LRP8: variants seen among roughly 807,000 people sequenced by gnomAD.
LRP8 encodes the protein low-density lipoprotein receptor-related protein 8.
In LRP8, 46 loss-of-function variants were observed where a neutral mutation model predicts 111.6. The ratio of observed to expected loss-of-function variants is 0.41; its 90% CI spans 0.33 to 0.53. The LOEUF (loss-of-function observed/expected upper bound fraction) is 0.53. LRP8 is among the 20% of genes least tolerant of loss of function. LRP8 has a pLI of 0.20. For missense variants in LRP8, 959 were observed against 1,297.4 expected, an observed-to-expected ratio of 0.74 and a Z score of 4.01; for synonymous variants, 464 against 511.2, an observed-to-expected ratio of 0.91 and a Z score of 1.24.
At chr1:53,324,892 C>A (rs1480825204) in intron 2 of LRP8, among the ~76,000 whole-genome samples, 2 of 152,220 alleles carry the variant, frequency 1.3e-5, no homozygotes, top group Admixed American at 1.3e-4. Flanking sequence ...GAGATCCTGA[C>A]CAAGTTCTGT....
In LRP8 at chr1:53,328,047, G is replaced by A. The variant is rs1655423127; in HGVS notation, c.-135C>T. 8.1e-6 allele frequency: 3 copies of A among 370,224 alleles called. No homozygotes were observed. In the South Asian group the frequency reaches 3.0e-4, roughly 36 times the overall value. 22.9% of individuals were successfully genotyped at this position (370,224 alleles called of 1,614,324 possible). ...GCCGCCGCCGCCGCCGCTGCCGCCC[G>A]CCCCGGCTCCTCGGCTGCATTTCAA... On this transcript the variant is annotated 5_prime_UTR_variant, in exon 1 of 19. Transcript: ENST00000306052.
Position 53,266,586 on chromosome 1 carries a change from C to T in LRP8, c.1314G>A (p.Val438=), listed in dbSNP as rs1572481482. 1 of 1,614,206 alleles carries T rather than the reference C, an allele frequency of 6.2e-7. No homozygotes were observed. Among genetic ancestry groups the T allele is most frequent in the Non-Finnish European group, 8.5e-7 (1 of 1,180,050 alleles). The change falls in exon 9 of 19, where the codon GTG becomes GTA. Residue 438 remains valine, a synonymous_variant. Transcript: ENST00000306052. This position sits in a 1 kb window ranked among gnomAD's most constrained non-coding sequence, Gnocchi z 5.0. Reference sequence around the variant, plus strand: ...GGATGAGGCGTGAATAGTTCCGCTTCACCAGGTCGATCCTCCGCACCTCGT... The same window carrying T: ...GGATGAGGCGTGAATAGTTCCGCTTTACCAGGTCGATCCTCCGCACCTCGT... ...NRHEVRRIDL[V]KRNYSRLIPM...
At position 53,262,338 on chromosome 1, in the gene LRP8, A is replaced by G. The variant is rs1267280328; in HGVS notation, c.1774+108T>C. The G allele has an allele frequency of 2.6e-6, 4 of 1,512,058 alleles. No individual in the cohort carries two copies. Among genetic ancestry groups the G allele is most frequent in the African/African-American group, 1.4e-5 (1 of 72,460 alleles). The allele number at this position is 1,512,058 out of a possible 1,614,324, so 93.7% of individuals were successfully genotyped here. A position where few individuals can be genotyped will look rare whatever the true frequency, so the allele number is the denominator to read the frequency against. On this transcript the variant is annotated intron_variant, in intron 11 of 18. Coordinates refer to ENST00000306052, the MANE Select transcript of LRP8 (RefSeq NM_004631.5). This position sits in a 1 kb window ranked among gnomAD's most constrained non-coding sequence, Gnocchi z 4.8. ...GCCTACGGCAACCATTAGGAAACAA[A>G]GTCACTGGCACCATGAGAGGACCCA...
At chr1:53,255,496 T>C (rs2100354380) in intron 15 of LRP8, among the ~76,000 whole-genome samples, 1 of 152,252 alleles carries the variant, frequency 6.6e-6, no homozygotes, top group South Asian at 2.1e-4. Context: ...AGCATCATGG[T>C]AGTAGGAAGC....
At chr1:53,322,708 C>T (rs1418255782) in intron 2 of LRP8, among the ~76,000 whole-genome samples, 3 of 152,164 alleles carry the variant, frequency 2.0e-5, no homozygotes, top group South Asian at 4.1e-4. Context: ...GCCACACTGT[C>T]GTCAGATGGC....
At chr1:53,270,428 C>T (rs530111070) in intron 8 of LRP8, among the ~76,000 whole-genome samples, 7 of 152,306 alleles carry the variant, frequency 4.6e-5, no homozygotes, top group Admixed American at 2.6e-4. Flanking sequence ...TCAGATTTGA[C>T]TGCTATACAA....
rs966961950 is a variant in LRP8, at chr1:53,257,851, A to G, written c.2210-387T>C. Among the ~76,000 whole-genome samples the G allele has an allele frequency of 4.6e-5, 7 of 152,366 alleles. No individual in the cohort carries two copies. In the South Asian group the frequency reaches 1.0e-3, roughly 23 times the overall value. The stretch of plus-strand genomic sequence containing the variant: ...AATAATGCAGTAGACTTAGGCTCAA[A>G]TGAAAGGCCTTGGCTATACATCAAG... On this transcript the variant is annotated intron_variant, in intron 14 of 18. Coordinates refer to ENST00000306052, the MANE Select transcript of LRP8 (RefSeq NM_004631.5).
Position 53,272,474 on chromosome 1 carries a change from C to G in LRP8, c.1007-1128G>C, listed in dbSNP as rs546313312. ...TCATGCACTGCCACTCCAGCCAAGC[C>G]AAGCAGTGCTGAGCTGAGCCAGCCA... On this transcript the variant is annotated intron_variant, in intron 6 of 18. Transcript: ENST00000306052. The G allele has an allele frequency of 1.7e-5, 14 of 828,020 alleles. No individual in the cohort carries two copies. In the African/African-American group the frequency reaches 1.9e-4, roughly 11 times the overall value. The allele number at this position is 828,020 out of a possible 1,614,324, so 51.3% of individuals were successfully genotyped here.
At chr1:53,286,676 A>G (rs1647605285) in intron 3 of LRP8, among the ~76,000 whole-genome samples, 1 of 152,194 alleles carries the variant, frequency 6.6e-6, no homozygotes, top group South Asian at 2.1e-4. Context: ...GCTGGGAGAA[A>G]CCCCAGCCAG....
intron 12 of LRP8, among the ~76,000 whole-genome samples, chr1:53,260,983 C>T (rs1278324983): frequency 6.6e-6 from 1 of 152,148 alleles, no homozygotes; most frequent in East Asian, 1.9e-4. Flanking sequence ...CCTTGCTGGG[C>T]TTCCTGTAGC....
chr1:53,252,175 TAATC>T (rs1354745652), intron 16 of LRP8, among the ~76,000 whole-genome samples: 9 of 152,182 alleles, frequency 5.9e-5, no homozygotes, highest in African/African-American at 2.2e-4. Context: ...TAATTTTAGT[TAATC>T]AAGAATCAAC....
intron 3 of LRP8, among the ~76,000 whole-genome samples, chr1:53,285,950 G>A (rs941639159): frequency 2.6e-5 from 4 of 152,166 alleles, no homozygotes; most frequent in Non-Finnish European, 5.9e-5. Flanking sequence ...GCATTTAAAG[G>A]CATTTAAATT....
chr1:53,284,456 T>A (rs915027503), intron 3 of LRP8, among the ~76,000 whole-genome samples: 4 of 152,098 alleles, frequency 2.6e-5, no homozygotes, highest in African/African-American at 9.7e-5. Context: ...TTCCTATGAC[T>A]AGAGCCTTGC....
intron 9 of LRP8, among the ~76,000 whole-genome samples, 178 bp from the exon 10 acceptor site, chr1:53,264,574 C>T (rs947195687): frequency 6.6e-6 from 1 of 152,210 alleles, no homozygotes; most frequent in African/African-American, 2.4e-5. Flanking sequence ...TACAGACTTA[C>T]ATGGGCCACG....
chr1:53,261,173 T>A (rs1646323438), intron 12 of LRP8, among the ~76,000 whole-genome samples: 1 of 152,238 alleles, frequency 6.6e-6, no homozygotes, highest in African/African-American at 2.4e-5. Context: ...TCTATATACA[T>A]CTTGGTATAT....
chr1:53,308,642 C>A (rs748430133), intron 2 of LRP8, among the ~76,000 whole-genome samples: 18 of 152,204 alleles, frequency 1.2e-4, no homozygotes, highest in Non-Finnish European at 1.8e-4. Context: ...ACCGCCCGGA[C>A]CTTGCCTGCT....
intron 2 of LRP8, among the ~76,000 whole-genome samples, chr1:53,318,631 A>T (rs1334475980): frequency 6.6e-6 from 1 of 152,220 alleles, no homozygotes; most frequent in Non-Finnish European, 1.5e-5. Flanking sequence ...GAAGCAACCA[A>T]ACACACATCT....
intron 6 of LRP8, among the ~76,000 whole-genome samples, chr1:53,272,419 C>T (rs914655519): frequency 2.0e-5 from 3 of 152,122 alleles, no homozygotes; most frequent in East Asian, 1.9e-4. Flanking sequence ...GGAGAGGTGC[C>T]GCGCCCCTCT....
chr1:53,327,700 T>G, intron 1 of LRP8, 89 bp downstream of exon 1: 1 of 1,346,650 alleles, frequency 7.4e-7, no homozygotes, highest in Non-Finnish European at 9.6e-7. Flanking sequence ...AGCCCCGGGT[T>G]CTGGACCCCT....
Sources: allele counts gnomAD v4.1 joint callset (sites outside exome capture counted in the v4.1 genomes callset), GRCh38; gene constraint gnomAD v4.1.1; non-coding constraint Gnocchi (gnomAD v3.1); transcripts MANE v1.5; gene names NCBI Gene and HGNC (gene_info 2026-07-23, HGNC 2026-07-21).